Variants in ACOX3 observed in about 807,000 individuals in gnomAD.
ACOX3 encodes the protein peroxisomal acyl-coenzyme A oxidase 3.
In ACOX3, 73 loss-of-function variants were observed where a neutral mutation model predicts 81.5. The ratio of observed to expected loss-of-function variants is 0.90; its 90% CI spans 0.74 to 1.09. The LOEUF is 1.09. ACOX3 is among the 50% of genes least tolerant of loss of function. The probability of loss-of-function intolerance (pLI) is 0.00; values close to 1 mark genes in which losing one functional copy is unlikely to be tolerated. For missense variants in ACOX3, 947 were observed against 928.0 expected (o/e 1.02, Z -0.27); for synonymous variants, 387 against 375.1 (o/e 1.03, Z -0.37).
chr4:8,378,481 C>T (rs1167278159), intron 14 of ACOX3, among the ~76,000 whole-genome samples: 1 of 152,116 alleles, frequency 6.6e-6, no homozygotes, highest in Non-Finnish European at 1.5e-5. Context: ...GGGTTGGTCC[C>T]AGGCTGGAGG....
rs999953652 is a variant in ACOX3, at chr4:8,385,521, A to G, written c.1537+3652T>C. Among the ~76,000 whole-genome samples the G allele has an allele frequency of 1.9e-4, 29 of 152,232 alleles. No individual in the cohort carries two copies. Among genetic ancestry groups the G allele is most frequent in the African/African-American group, 7.0e-4 (29 of 41,468 alleles). ...ATGAATGCATACGAGCCAGCTAAAC[A>G]ACAGGGCCCACTGCAGGAAGCAACA... is the stretch of plus-strand genomic sequence containing the variant. On this transcript the variant is annotated intron_variant, in intron 13 of 17. Coordinates refer to ENST00000356406, the MANE Select transcript of ACOX3 (RefSeq NM_003501.3). This position sits in a 1 kb window ranked among gnomAD's most constrained non-coding sequence, Gnocchi z 5.5.
chr4:8,439,554 CTAT>C (rs1248629036), intron 1 of ACOX3, among the ~76,000 whole-genome samples: 2 of 152,212 alleles, frequency 1.3e-5, no homozygotes, highest in African/African-American at 4.8e-5. Context: ...TTAAAAACTC[CTAT>C]TATTAAGAAA....
intron 1 of ACOX3, among the ~76,000 whole-genome samples, chr4:8,427,701 A>G (rs1723634807): frequency 6.6e-6 from 1 of 152,234 alleles, no homozygotes; most frequent in Admixed American, 6.5e-5. Flanking sequence ...ACCCCAGGTC[A>G]GAGAGCAAGA....
intron 6 of ACOX3, among the ~76,000 whole-genome samples, 183 bp downstream of exon 6, chr4:8,410,029 C>A (rs914019568): frequency 6.7e-6 from 1 of 148,228 alleles, no homozygotes; most frequent in Non-Finnish European, 1.5e-5. Context: ...GCACTGTGGG[C>A]GGGGCTGTTT....
chr4:8,395,187 G>A (rs1719553639), intron 9 of ACOX3, among the ~76,000 whole-genome samples: 1 of 139,944 alleles, frequency 7.1e-6, no homozygotes, highest in African/African-American at 2.6e-5. Context: ...CCCCTCGAAA[G>A]GCTGAGTGCA....
Position 8,414,412 on chromosome 4 carries a change from C to G in ACOX3, c.454-31G>C. 6.3e-7 allele frequency: 1 copy of G among 1,589,164 alleles called. No individual in the cohort carries two copies. On this transcript the variant is annotated intron_variant, in intron 4 of 17. Coordinates refer to ENST00000356406, the MANE Select transcript of ACOX3 (RefSeq NM_003501.3). This position sits in a 1 kb window ranked among gnomAD's most constrained non-coding sequence, Gnocchi z 6.1. ...TGTCAAAGCACAAAATGATGGAAAGCAAGAAAAGTTCTTTGTGCACATTCC... is the reference window on the plus strand; with the variant it reads ...TGTCAAAGCACAAAATGATGGAAAGGAAGAAAAGTTCTTTGTGCACATTCC...
At chr4:8,375,396 C>T (rs1716819012) in intron 14 of ACOX3, among the ~76,000 whole-genome samples, 1 of 152,238 alleles carries the variant, frequency 6.6e-6, no homozygotes, top group African/African-American at 2.4e-5. Context: ...CCTCCAAGGC[C>T]TCAGTCTCAG....
chr4:8,367,843 T>G (rs1180654890), intron 17 of ACOX3, among the ~76,000 whole-genome samples: 1 of 79,964 alleles, frequency 1.3e-5, no homozygotes, highest in Non-Finnish European at 2.9e-5. Context: ...AAGCAAAAAA[T>G]TAACTGGGCA....
intron 13 of ACOX3, among the ~76,000 whole-genome samples, chr4:8,387,829 GC>G (rs1718494914): frequency 2.0e-5 from 3 of 152,216 alleles, no homozygotes; most frequent in Admixed American, 1.3e-4. Context: ...CACCAAGGGA[GC>G]CTTCAGGAGT....
At chr4:8,418,867 A>G (rs919439227) in intron 1 of ACOX3, among the ~76,000 whole-genome samples, 3 of 152,176 alleles carry the variant, frequency 2.0e-5, no homozygotes, top group Admixed American at 1.3e-4. Context: ...CTCAAAGAAA[A>G]CAAAACAAAC....
At chr4:8,412,181 G>C (rs1721800544) in intron 5 of ACOX3, among the ~76,000 whole-genome samples, 1 of 152,252 alleles carries the variant, frequency 6.6e-6, no homozygotes, top group South Asian at 2.1e-4. Context: ...GATATCTTAT[G>C]GCTTAAAAGA....
Position 8,383,454 on chromosome 4 carries a change from C to T in ACOX3, c.1538-1847G>A, listed in dbSNP as rs1020547506. Reference sequence around the variant, plus strand: ...AGGATGGATTCTAAATCCAATGACACGTGTCCTTACAAGATGCAGAGACAG... The same window carrying T: ...AGGATGGATTCTAAATCCAATGACATGTGTCCTTACAAGATGCAGAGACAG... On this transcript the variant is annotated intron_variant, in intron 13 of 17. Coordinates refer to ENST00000356406, the MANE Select transcript of ACOX3 (RefSeq NM_003501.3). 4.6e-5 allele frequency among the ~76,000 whole-genome samples: 7 copies of T among 152,194 alleles called. No homozygotes were observed. The East Asian group carries it at 5.8e-4, about 13-fold the overall frequency.
Position 8,366,782 on chromosome 4 carries a change from G to A in ACOX3, c.*179C>T, listed in dbSNP as rs140127470. On this transcript the variant is annotated 3_prime_UTR_variant, in exon 18 of 18. Coordinates refer to ENST00000356406, the MANE Select transcript of ACOX3 (RefSeq NM_003501.3). The stretch of plus-strand genomic sequence containing the variant: ...ACCGCGATCCCAGATTAGTCCAGCC[G>A]GCCGGGTGCCTCCCTCCCGTCCGCC... 2.0e-5 allele frequency: 14 copies of A among 715,230 alleles called. 1 individual carries two copies. Among genetic ancestry groups the A allele is most frequent in the African/African-American group, 1.1e-4 (6 of 56,174 alleles). 44.3% of individuals were successfully genotyped at this position (715,230 alleles called of 1,614,324 possible).
rs3775901 is a variant in ACOX3, at chr4:8,377,893, C to T, written c.1654-2741G>A. ...ACGGTTAGGGCTGGCGCACTCCAGC[C>T]GAGAGTGCTCACGGCACCCAGACAC... On this transcript the variant is annotated intron_variant, in intron 14 of 17. Transcript: ENST00000356406. Among the ~76,000 whole-genome samples, 21 of 152,298 alleles carry T rather than the reference C, an allele frequency of 1.4e-4. 1 individual carries two copies. The East Asian group carries it at 1.5e-3, about 11-fold the overall frequency.
rs185379983 is a variant in ACOX3 at position 8,432,152 on chromosome 4, A to G, written c.-15+8496T>C. The stretch of plus-strand genomic sequence containing the variant: ...AGGCAGCTGAAAACGGTGTTGGGAA[A>G]GAGTTGTGGAACATAAATGTGGTTT... On this transcript the variant is annotated intron_variant, in intron 1 of 17. Coordinates refer to ENST00000356406, the MANE Select transcript of ACOX3 (RefSeq NM_003501.3). This position sits in a 1 kb window ranked among gnomAD's most constrained non-coding sequence, Gnocchi z 6.2. 6.6e-6 allele frequency among the ~76,000 whole-genome samples: 1 copy of G among 152,248 alleles called. No homozygotes were observed. The highest frequency in any genetic ancestry group is 1.5e-5 in the Non-Finnish European group (1 of 68,038).
chr4:8,428,083 C>A (rs1469675167), intron 1 of ACOX3, among the ~76,000 whole-genome samples: 1 of 152,236 alleles, frequency 6.6e-6, no homozygotes, highest in African/African-American at 2.4e-5. Flanking sequence ...GTCTTCTCTG[C>A]GATGTGAATC....
At chr4:8,371,684 T>G (rs1238434903) in intron 16 of ACOX3, among the ~76,000 whole-genome samples, 1 of 152,290 alleles carries the variant, frequency 6.6e-6, no homozygotes, top group Non-Finnish European at 1.5e-5. Context: ...AGTGCACCTC[T>G]GCGCTTCAGC....
In ACOX3 at chr4:8,406,489, T is replaced by C. The variant is rs1273335161; in HGVS notation, c.688-446A>G. ...GAGATAAAGACACAAGACAAAGAGA[T>C]AAAAGAAAAGACGGCTGGGTCCGGG... On this transcript the variant is annotated intron_variant, in intron 6 of 17. Coordinates refer to ENST00000356406, the MANE Select transcript of ACOX3 (RefSeq NM_003501.3). This position sits in a 1 kb window ranked among gnomAD's most constrained non-coding sequence, Gnocchi z 5.6. Among the ~76,000 whole-genome samples the C allele has an allele frequency of 6.6e-6, 1 of 151,936 alleles. No homozygotes were observed. Among genetic ancestry groups the C allele is most frequent in the East Asian group, 1.9e-4 (1 of 5,164 alleles).
At chr4:8,428,642 G>C (rs1466091161) in intron 1 of ACOX3, among the ~76,000 whole-genome samples, 1 of 152,354 alleles carries the variant, frequency 6.6e-6, no homozygotes, top group East Asian at 1.9e-4. Flanking sequence ...TTTAGGCAAG[G>C]CCTGGCTGAC....
Sources: gnomAD v4.1 joint callset for allele counts (sites outside exome capture counted in the v4.1 genomes callset) on GRCh38, gnomAD v4.1.1 for gene constraint, Gnocchi (gnomAD v3.1) non-coding constraint, MANE v1.5 for transcripts, NCBI Gene and HGNC (gene_info 2026-07-23, HGNC 2026-07-21) for gene names.